Variants in SMAGP observed in about 807,000 individuals in gnomAD.
SMAGP encodes the protein small cell transmembrane and glycosylated protein.
In SMAGP, 7 loss-of-function variants were observed where a neutral mutation model predicts 10.1. The ratio of observed to expected loss-of-function variants is 0.70; its 90% CI spans 0.40 to 1.31. The LOEUF (loss-of-function observed/expected upper bound fraction) is 1.31, where lower values mean the gene tolerates loss of function less well. Ranked by LOEUF, SMAGP falls within the 50% of genes most tolerant of loss-of-function variation. The pLI is 0.01. For missense variants in SMAGP, 113 were observed against 116.5 expected, an observed-to-expected ratio of 0.97 and a Z score of 0.14; for synonymous variants, 49 against 47.2, an observed-to-expected ratio of 1.04 and a Z score of -0.16.
In SMAGP at chr12:51,269,480, C is replaced by G. The variant is rs551462539; in HGVS notation, c.-38-164G>C. The G allele has an allele frequency of 8.4e-6, 5 of 596,248 alleles. No homozygotes were observed. In the South Asian group the frequency reaches 9.8e-5, roughly 12 times the overall value. The allele number at this position is 596,248 out of a possible 1,614,324, so 36.9% of individuals were successfully genotyped here. A position where few individuals can be genotyped will look rare whatever the true frequency, so the allele number is the denominator to read the frequency against. ...TGAATATCTCCTCAGGCTCCAGGTA[C>G]CAACAGCTCTCCACAGGAGCAGGTC... is the stretch of plus-strand genomic sequence containing the variant. On this transcript the variant is annotated intron_variant, in intron 1 of 3. Coordinates refer to ENST00000603798, the MANE Select transcript of SMAGP (RefSeq NM_001031628.2).
At chr12:51,267,726 C>T (rs1944988815) in intron 2 of SMAGP, among the ~76,000 whole-genome samples, 1 of 152,054 alleles carries the variant, frequency 6.6e-6, no homozygotes, top group African/African-American at 2.4e-5. Flanking sequence ...AACTCCTGAG[C>T]TCAGTCTGCC....
At chr12:51,252,634 G>A (rs914786691) in intron 2 of SMAGP, among the ~76,000 whole-genome samples, 15 of 151,386 alleles carry the variant, frequency 9.9e-5, no homozygotes, top group East Asian at 2.0e-4. Flanking sequence ...CAGGTGATCC[G>A]CCCTCCTCAG....
chr12:51,246,769 T>C lies in SMAGP; in HGVS notation c.97A>G (p.Ser33Gly), dbSNP rs770801758. 97 of 1,588,682 alleles carry C rather than the reference T, an allele frequency of 6.1e-5. No individual in the cohort carries two copies. The East Asian group carries it at 7.8e-4, about 13-fold the overall frequency. Reference sequence around the variant, plus strand: ...CTATTACCTGCAATGAGTGCTGTGCTGGCTCCATCTTCTGGGGACAGGGCC... The same window carrying C: ...CTATTACCTGCAATGAGTGCTGTGCCGGCTCCATCTTCTGGGGACAGGGCC... ...TEALSPEDGA[S>G]TALIAVVITV... Residue 33 changes from serine to glycine, a missense_variant, in exon 3 of 4, where the codon AGC becomes GGC. Coordinates refer to ENST00000603798, the MANE Select transcript of SMAGP (RefSeq NM_001031628.2).
In SMAGP at chr12:51,246,843, AG is replaced by A. The variant is rs756563779; in HGVS notation, c.35-13del. 1 of 1,546,350 alleles carries A rather than the reference AG, an allele frequency of 6.5e-7. No individual in the cohort carries two copies. The highest frequency in any genetic ancestry group is 8.7e-7 in the Non-Finnish European group (1 of 1,145,722). ...GGTCATCAGTTCTTCTGGAAAATGTAGAAAAGTGGAAAAGGAAATGGAGTGA... is the reference window on the plus strand; with the variant it reads ...GGTCATCAGTTCTTCTGGAAAATGTAAAAAGTGGAAAAGGAAATGGAGTGA... On this transcript the variant is annotated splice_polypyrimidine_tract_variant and intron_variant, in intron 2 of 3. Transcript: ENST00000603798.
intron 1 of SMAGP, 133 bp from the exon 2 acceptor site, chr12:51,269,449 T>C: frequency 1.5e-6 from 1 of 652,490 alleles, no homozygotes; most frequent in Admixed American, 2.6e-5. Flanking sequence ...CCTCTTCTGG[T>C]TTCCCTGAAT....
intron 2 of SMAGP, among the ~76,000 whole-genome samples, chr12:51,258,580 G>A (rs1244104391): frequency 2.7e-5 from 4 of 150,444 alleles, no homozygotes; most frequent in Non-Finnish European, 5.9e-5. Context: ...CAACAAGAGT[G>A]AGACTCCATC....
In SMAGP at chr12:51,246,747, T is replaced by A. The variant is rs542086691; in HGVS notation, c.115+4A>T. 1.6e-4 allele frequency: 259 copies of A among 1,574,344 alleles called. 2 individuals are homozygous for A. In the South Asian group the frequency reaches 2.9e-3, roughly 18 times the overall value. On this transcript the variant is annotated splice_donor_region_variant and intron_variant, in intron 3 of 3. Coordinates refer to ENST00000603798, the MANE Select transcript of SMAGP (RefSeq NM_001031628.2). ...TCCCTTGGAGTTGGCTCAGAGTCTA[T>A]TACCTGCAATGAGTGCTGTGCTGGC...
In SMAGP at chr12:51,245,489, C is replaced by T. The variant is rs540016559; in HGVS notation, c.*452G>A. The T allele has an allele frequency of 1.3e-5, 2 of 156,182 alleles. No individual in the cohort carries two copies. Among genetic ancestry groups the T allele is most frequent in the South Asian group, 2.0e-4 (1 of 5,114 alleles). The allele number at this position is 156,182 out of a possible 1,614,324, so 9.7% of individuals were successfully genotyped here. On this transcript the variant is annotated 3_prime_UTR_variant, in exon 4 of 4. Transcript: ENST00000603798. Reference sequence around the variant, plus strand: ...GTAAGATCTCCATAGTCTCCTACCCCTCCTGGCCTGGCCTTTTACTGTGGT... The same window carrying T: ...GTAAGATCTCCATAGTCTCCTACCCTTCCTGGCCTGGCCTTTTACTGTGGT...
At chr12:51,260,972 GT>G in intron 2 of SMAGP, among the ~76,000 whole-genome samples, 1 of 151,404 alleles carries the variant, frequency 6.6e-6, no homozygotes, top group Non-Finnish European at 1.5e-5. Context: ...AGTATTTTTA[GT>G]AGAGAGGGGG....
In SMAGP at chr12:51,248,414, ACACACACACACACACACACACT is replaced by A. The variant is rs1467193050; in HGVS notation, c.35-1605_35-1584del. Among the ~76,000 whole-genome samples the A allele has an allele frequency of 7.2e-5, 8 of 111,618 alleles. No homozygotes were observed. In the Admixed American group the frequency reaches 8.5e-4, roughly 12 times the overall value. The allele number at this position is 111,618 out of a possible 152,430, so 73.2% of individuals were successfully genotyped here. ...TGTGGTGTTTTACACACACACACAC[ACACACACACACACACACACACT>A]CTCTCTCTCTCTCTCTCTCTCTCTC... On this transcript the variant is annotated intron_variant, in intron 2 of 3. Coordinates refer to ENST00000603798, the MANE Select transcript of SMAGP (RefSeq NM_001031628.2).
chr12:51,268,877 C>A (rs1053818384), intron 2 of SMAGP, among the ~76,000 whole-genome samples: 2 of 152,056 alleles, frequency 1.3e-5, no homozygotes, highest in Admixed American at 1.3e-4. Flanking sequence ...TGAGCCACCA[C>A]GCCCGGCCTC....
chr12:51,258,461 G>A (rs1225332645), intron 2 of SMAGP, among the ~76,000 whole-genome samples: 1 of 147,980 alleles, frequency 6.8e-6, no homozygotes, highest in African/African-American at 2.5e-5. Flanking sequence ...ATGGTGGTGG[G>A]CACCTATAAT....
At chr12:51,261,277 A>C (rs1211523689) in intron 2 of SMAGP, among the ~76,000 whole-genome samples, 2 of 151,068 alleles carry the variant, frequency 1.3e-5, no homozygotes, top group Non-Finnish European at 2.9e-5. Context: ...TTGTATTTTT[A>C]GTAAACACAG....
chr12:51,270,052 G>A (rs1178342451), intron 1 of SMAGP: 3 of 150,830 alleles, frequency 2.0e-5, no homozygotes, highest in Non-Finnish European at 4.4e-5. Flanking sequence ...CGAGCCCCCC[G>A]CGTTACCAGC....
chr12:51,254,412 T>C (rs1309283455), intron 2 of SMAGP, among the ~76,000 whole-genome samples: 1 of 152,054 alleles, frequency 6.6e-6, no homozygotes, highest in African/African-American at 2.4e-5. Flanking sequence ...CTGGGTGTGG[T>C]GGCGTATGCC....
chr12:51,259,238 T>C (rs1446945866), intron 2 of SMAGP, among the ~76,000 whole-genome samples: 4 of 152,180 alleles, frequency 2.6e-5, no homozygotes, highest in African/African-American at 9.6e-5. Flanking sequence ...TGAATGCCCT[T>C]GGGGTAAATG....
chr12:51,262,235 T>C (rs1368511787), intron 2 of SMAGP, among the ~76,000 whole-genome samples: 1 of 152,084 alleles, frequency 6.6e-6, no homozygotes, highest in Non-Finnish European at 1.5e-5. Flanking sequence ...ATCCCAGCAA[T>C]TTGGGAGGCT....
At chr12:51,247,479 C>T (rs555589163) in intron 2 of SMAGP, among the ~76,000 whole-genome samples, 1 of 152,152 alleles carries the variant, frequency 6.6e-6, no homozygotes, top group Non-Finnish European at 1.5e-5. Flanking sequence ...TCCTGCACCC[C>T]CTCCTGCTAC....
At chr12:51,261,089 TTAA>T (rs1427076466) in intron 2 of SMAGP, among the ~76,000 whole-genome samples, 2 of 107,548 alleles carry the variant, frequency 1.9e-5, no homozygotes, top group Admixed American at 1.0e-4. Context: ...GTGCCCAGCC[TTAA>T]TTTTTTTTTT....
Sources: gnomAD v4.1 joint callset for allele counts (sites outside exome capture counted in the v4.1 genomes callset) on GRCh38, gnomAD v4.1.1 for gene constraint, MANE v1.5 for transcripts, NCBI Gene and HGNC (gene_info 2026-07-23, HGNC 2026-07-21) for gene names.